Variants in PSTPIP2 observed in about 807,000 individuals in gnomAD.
PSTPIP2 encodes the protein proline-serine-threonine phosphatase-interacting protein 2.
PSTPIP2 carries 33 observed loss-of-function variants against 63.3 expected under a neutral mutation model. That is an observed-to-expected ratio of 0.52 (90% CI 0.40 to 0.70). The LOEUF (loss-of-function observed/expected upper bound fraction) is 0.70. Ranked by LOEUF, PSTPIP2 falls within the 30% of genes least tolerant of loss-of-function variation. PSTPIP2 has a pLI of 0.00. For missense variants in PSTPIP2, 312 were observed against 400.7 expected (o/e 0.78, Z 1.89); for synonymous variants, 125 against 132.7 (o/e 0.94, Z 0.40).
chr18:45,987,542 C>A (rs2051480510), intron 14 of PSTPIP2, among the ~76,000 whole-genome samples: 1 of 146,386 alleles, frequency 6.8e-6, no homozygotes, highest in African/African-American at 2.6e-5. Context: ...AGTGGATCAA[C>A]CCTTTAAAAC....
rs146745029 is a variant in PSTPIP2 at position 46,059,350 on chromosome 18, G to A, written c.33+12806C>T. ...TGCAACCTCTGCCTTCCAGGGTCAA[G>A]TGATTCTCCTGCCTCAGCCTACCAA... On this transcript the variant is annotated intron_variant, in intron 1 of 14. Coordinates refer to ENST00000409746, the MANE Select transcript of PSTPIP2 (RefSeq NM_024430.4). Among the ~76,000 whole-genome samples the A allele has an allele frequency of 5.9e-3, 903 of 152,220 alleles. 17 individuals are homozygous for A. Among genetic ancestry groups the A allele is most frequent in the Admixed American group, 0.034 (525 of 15,288 alleles).
At position 46,072,084 on chromosome 18, in the gene PSTPIP2, C is replaced by A. The variant is rs1187878432; in HGVS notation, c.33+72G>T. 4.0e-6 allele frequency: 6 copies of A among 1,497,976 alleles called. No individual in the cohort carries two copies. In the East Asian group the frequency reaches 1.1e-4, roughly 29 times the overall value. 92.8% of individuals were successfully genotyped at this position (1,497,976 alleles called of 1,614,324 possible). Reference sequence around the variant, plus strand: ...GGCGCCGGAGCTGGGGAGCCCCCCACGCCCGCCGCGTTGGCCTCCCGCCCG... The same window carrying A: ...GGCGCCGGAGCTGGGGAGCCCCCCAAGCCCGCCGCGTTGGCCTCCCGCCCG... On this transcript the variant is annotated intron_variant, in intron 1 of 14. Coordinates refer to ENST00000409746, the MANE Select transcript of PSTPIP2 (RefSeq NM_024430.4).
chr18:45,993,138 A>T (rs916728293), intron 10 of PSTPIP2, among the ~76,000 whole-genome samples: 1 of 152,116 alleles, frequency 6.6e-6, no homozygotes, highest in Non-Finnish European at 1.5e-5. Context: ...TGTGTCGCCG[A>T]GGCTGGAGTG....
chr18:46,012,708 G>A (rs1413781592), intron 4 of PSTPIP2, among the ~76,000 whole-genome samples: 2 of 152,202 alleles, frequency 1.3e-5, no homozygotes, highest in African/African-American at 4.8e-5. Flanking sequence ...AAGAGGTGGA[G>A]TTTGCAGTGA....
At chr18:45,993,913 C>G in intron 9 of PSTPIP2, 1 of 539,280 alleles carries the variant, frequency 1.9e-6, no homozygotes, top group East Asian at 3.3e-5. Context: ...CACAAACAGG[C>G]TTGGAAATAG....
chr18:46,072,260 T>C lies in PSTPIP2; in HGVS notation c.-72A>G. The C allele has an allele frequency of 6.7e-7, 1 of 1,498,282 alleles. No homozygotes were observed. The highest frequency in any genetic ancestry group is 8.9e-7 in the Non-Finnish European group (1 of 1,118,238). The allele number at this position is 1,498,282 out of a possible 1,614,324, so 92.8% of individuals were successfully genotyped here. On this transcript the variant is annotated 5_prime_UTR_variant, in exon 1 of 15. Coordinates refer to ENST00000409746, the MANE Select transcript of PSTPIP2 (RefSeq NM_024430.4). Reference sequence around the variant, plus strand: ...CAGAGCGGGGAGGCCTGACTGCCACTGCCCGCGGCTCCGCAGACTCAACTT... The same window carrying C: ...CAGAGCGGGGAGGCCTGACTGCCACCGCCCGCGGCTCCGCAGACTCAACTT...
At position 45,997,801 on chromosome 18, in the gene PSTPIP2, G is replaced by T. The variant is rs756619114; in HGVS notation, c.590C>A (p.Thr197Asn). 10 of 1,562,152 alleles carry T rather than the reference G, an allele frequency of 6.4e-6. No homozygotes were observed. In the South Asian group the frequency reaches 1.0e-4, roughly 16 times the overall value. Residue 197 changes from threonine to asparagine, a missense_variant, in exon 9 of 15, where the codon ACC becomes AAC. Transcript: ENST00000409746. ...CCACTCTTCTCGGACCTTATCCAGGGTGCCGATGTGCAGCATGTATGCTTT... is the reference window on the plus strand; with the variant it reads ...CCACTCTTCTCGGACCTTATCCAGGTTGCCGATGTGCAGCATGTATGCTTT... ...SDKAYMLHIG[T>N]LDKVREEWQS...
chr18:46,051,226 A>G (rs929769910), intron 1 of PSTPIP2, among the ~76,000 whole-genome samples: 1 of 152,192 alleles, frequency 6.6e-6, no homozygotes, highest in Admixed American at 6.5e-5. Flanking sequence ...CTGTAATCCT[A>G]GCACTTTGGG....
At chr18:46,026,175 C>T (rs943473853) in intron 2 of PSTPIP2, among the ~76,000 whole-genome samples, 2 of 152,214 alleles carry the variant, frequency 1.3e-5, no homozygotes, top group Non-Finnish European at 1.5e-5. Flanking sequence ...TCAATTTCTA[C>T]TTCCACAAAA....
At chr18:46,016,023 C>T in intron 3 of PSTPIP2, 86 bp from the exon 4 acceptor site, 1 of 1,458,628 alleles carries the variant, frequency 6.9e-7, no homozygotes, top group Non-Finnish European at 9.4e-7. Flanking sequence ...CTTCTCTCTG[C>T]CCATATCTTA....
rs980505508 is a variant in PSTPIP2 at position 45,983,738 on chromosome 18, C to T, written c.*1721G>A. The T allele has an allele frequency of 1.6e-4, 25 of 152,128 alleles. 1 individual carries two copies. The highest frequency in any genetic ancestry group is 6.5e-4 in the Admixed American group (10 of 15,272). 9.4% of individuals were successfully genotyped at this position (152,128 alleles called of 1,614,324 possible). A position where few individuals can be genotyped will look rare whatever the true frequency, so the allele number is the denominator to read the frequency against. On this transcript the variant is annotated 3_prime_UTR_variant, in exon 15 of 15. Coordinates refer to ENST00000409746, the MANE Select transcript of PSTPIP2 (RefSeq NM_024430.4). ...TAAAGGAACATTTCCTGAGCCCGTT[C>T]AGTTTGGGGAAATTTGGCCCTTTGC...
intron 1 of PSTPIP2, among the ~76,000 whole-genome samples, chr18:46,047,611 A>T (rs1908430775): frequency 3.3e-5 from 5 of 152,196 alleles, no homozygotes; most frequent in Admixed American, 2.0e-4. Flanking sequence ...AATCGCTTGA[A>T]CGTGGGAAAC....
At chr18:46,034,053 C>G (rs893160056) in intron 2 of PSTPIP2, among the ~76,000 whole-genome samples, 1 of 152,172 alleles carries the variant, frequency 6.6e-6, no homozygotes, top group Non-Finnish European at 1.5e-5. Flanking sequence ...CTGTCATTCC[C>G]ACCCTGGCAA....
rs191093009 is a variant in PSTPIP2 at position 46,038,728 on chromosome 18, G to A, written c.134+1219C>T. Among the ~76,000 whole-genome samples the A allele has an allele frequency of 9.8e-4, 149 of 152,308 alleles. 4 individuals carry two copies. The East Asian group carries it at 0.021, about 22-fold the overall frequency. ...CAGCTCCACAGCGCTGACAGTAGCC[G>A]AGCCTCTCTTGGTTCACCCGTCCTC... On this transcript the variant is annotated intron_variant, in intron 2 of 14. Coordinates refer to ENST00000409746, the MANE Select transcript of PSTPIP2 (RefSeq NM_024430.4).
At chr18:46,055,942 C>T (rs1442427479) in intron 1 of PSTPIP2, among the ~76,000 whole-genome samples, 2 of 152,174 alleles carry the variant, frequency 1.3e-5, no homozygotes, top group Non-Finnish European at 2.9e-5. Flanking sequence ...GCTTCTACTC[C>T]ACGGGAAAAC....
intron 6 of PSTPIP2, among the ~76,000 whole-genome samples, chr18:46,001,215 T>C (rs1361088661): frequency 6.6e-6 from 1 of 152,192 alleles, no homozygotes; most frequent in Non-Finnish European, 1.5e-5. Flanking sequence ...CCACCAACAG[T>C]GTGTAAGAGT....
At chr18:46,022,817 T>C (rs1907417159) in intron 3 of PSTPIP2, among the ~76,000 whole-genome samples, 1 of 152,136 alleles carries the variant, frequency 6.6e-6, no homozygotes, top group African/African-American at 2.4e-5. Context: ...AAATCTCACA[T>C]GGGTTGTGAC....
chr18:45,998,739 G>GAT, intron 8 of PSTPIP2, 55 bp downstream of exon 8: 4 of 1,557,728 alleles, frequency 2.6e-6, no homozygotes, highest in Non-Finnish European at 3.5e-6. Context: ...ACACATTTAG[G>GAT]ATAACGTAAA....
chr18:46,002,062 T>C (rs2144072083), intron 6 of PSTPIP2, among the ~76,000 whole-genome samples: 1 of 152,364 alleles, frequency 6.6e-6, no homozygotes. Context: ...GTTGTGCCAC[T>C]TCCTCATAGT....
Sources: gnomAD v4.1 joint callset for allele counts (sites outside exome capture counted in the v4.1 genomes callset) on GRCh38, gnomAD v4.1.1 for gene constraint, MANE v1.5 for transcripts, NCBI Gene and HGNC (gene_info 2026-07-23, HGNC 2026-07-21) for gene names.